The following POGK variants were observed in gnomAD, a reference collection of about 807,000 sequenced individuals.
The protein encoded by POGK is pogo transposable element with KRAB domain.
POGK carries 16 observed loss-of-function variants against 54.4 expected under a neutral mutation model. The observed-to-expected ratio is 0.29, with a 90% CI of 0.20 to 0.45. The LOEUF is 0.45. Ranked by LOEUF, POGK falls within the 20% of genes least tolerant of loss-of-function variation. The probability of loss-of-function intolerance (pLI) is 1.00; values close to 1 mark genes in which losing one functional copy is unlikely to be tolerated. For synonymous variants in POGK, 271 were observed against 302.2 expected, an observed-to-expected ratio of 0.90 and a Z score of 1.07; for missense variants, 515 against 795.6, an observed-to-expected ratio of 0.65 and a Z score of 4.24.
intron 5 of POGK, 101 bp downstream of exon 5, chr1:166,850,524 C>T: frequency 7.5e-7 from 1 of 1,333,038 alleles, no homozygotes; most frequent in Non-Finnish European, 1.0e-6. Flanking sequence ...TCCCTTAGAG[C>T]CTACAGTGCA....
Position 166,847,584 on chromosome 1 carries a change from C to T in POGK, c.350C>T (p.Thr117Ile), listed in dbSNP as rs2101759637. ...NSDEWQLQGG[T>I]SAENEESDVK... ...GACGAGTGGCAGCTCCAAGGAGGCA[C>T]CTCTGCAGGTACTACAAGTAAAGCA... Residue 117 changes from threonine (T) to isoleucine (I), a missense_variant, in exon 4 of 6, where the codon ACC becomes ATC. Around this residue, in one of 2 missense-constraint regions of POGK, gnomAD observed 461 missense variants for 743.5 expected, o/e 0.62. Coordinates refer to ENST00000367876, the MANE Select transcript of POGK (RefSeq NM_017542.5). The T allele has an allele frequency of 6.2e-7, 1 of 1,612,876 alleles. No individual in the cohort carries two copies. The highest frequency in any genetic ancestry group is 1.1e-5 in the South Asian group (1 of 91,008).
chr1:166,848,921 C>A lies in POGK; in HGVS notation c.359-17C>A. ...ACTTACTGGCATTATTTTTGCCCCT[C>A]ACTATTTGTCTCCCAGAAAATGAAG... On this transcript the variant is annotated splice_polypyrimidine_tract_variant and intron_variant, in intron 4 of 5. Coordinates refer to ENST00000367876, the MANE Select transcript of POGK (RefSeq NM_017542.5). 1 of 1,563,400 alleles carries A rather than the reference C, an allele frequency of 6.4e-7. No individual in the cohort carries two copies. Among genetic ancestry groups the A allele is most frequent in the South Asian group, 1.2e-5 (1 of 82,118 alleles).
chr1:166,852,104 A>T (rs930625850), intron 5 of POGK: 1 of 152,208 alleles, frequency 6.6e-6, no homozygotes, highest in Non-Finnish European at 1.5e-5. Flanking sequence ...TGCTTTGAGA[A>T]ACCCCATGAA....
chr1:166,846,653 T>C lies in POGK; in HGVS notation c.174T>C (p.Asp58=), dbSNP rs376091366. ...LFDEVAIYFS[D]EEWEVLTEQQ... ...ATGAGGTGGCCATATATTTTTCCGA[T>C]GAGGAATGGGAAGTTTTGACGGAGC... is the stretch of plus-strand genomic sequence containing the variant. The change falls in exon 3 of 6, where the codon GAT becomes GAC. Residue 58 remains aspartate, a synonymous_variant. Coordinates refer to ENST00000367876, the MANE Select transcript of POGK (RefSeq NM_017542.5). The C allele has an allele frequency of 7.4e-6, 12 of 1,614,020 alleles. No individual in the cohort carries two copies. The highest frequency in any genetic ancestry group is 1.3e-5 in the African/African-American group (1 of 74,904).
In POGK at chr1:166,854,168, A is replaced by C. The variant is rs971254927; in HGVS notation, c.*1598A>C. On this transcript the variant is annotated 3_prime_UTR_variant, in exon 6 of 6. Coordinates refer to ENST00000367876, the MANE Select transcript of POGK (RefSeq NM_017542.5). Reference sequence around the variant, plus strand: ...ATAGTTACCCTGCCAAGAAGAGTAGAAAATGGGTTCAACTCCTGTTTCGCT... The same window carrying C: ...ATAGTTACCCTGCCAAGAAGAGTAGCAAATGGGTTCAACTCCTGTTTCGCT... The C allele has an allele frequency of 2.0e-5, 3 of 152,634 alleles. No homozygotes were observed. Among genetic ancestry groups the C allele is most frequent in the Admixed American group, 2.0e-4 (3 of 15,288 alleles). The allele number at this position is 152,634 out of a possible 1,614,324, so 9.5% of individuals were successfully genotyped here.
chr1:166,844,909 G>A (rs1657772933), intron 2 of POGK, among the ~76,000 whole-genome samples: 1 of 152,148 alleles, frequency 6.6e-6, no homozygotes, highest in East Asian at 1.9e-4. Context: ...GCTGAGTCCT[G>A]GAAGATGGGT....
Position 166,850,336 on chromosome 1 carries a change from T to C in POGK, c.1757T>C (p.Ile586Thr). The C allele has an allele frequency of 1.9e-6, 3 of 1,612,916 alleles. No individual in the cohort carries two copies. The highest frequency in any genetic ancestry group is 2.5e-6 in the Non-Finnish European group (3 of 1,179,592). The change falls in exon 5 of 6, where the codon ATC becomes ACC. Residue 586 changes from isoleucine (I) to threonine (T), a missense_variant. This residue lies in a region of POGK where 461 missense variants were observed against 743.5 expected (regional missense o/e 0.62). Transcript: ENST00000367876. ...GAGGAAGACGATGTCCTGTGGGAAA[T>C]CGAGAGTGAGTTGCCAGGAGGAGGA... ...LEEEDDVLWEIESELPGGGEP... is the reference protein window; with the variant it reads ...LEEEDDVLWETESELPGGGEP...
chr1:166,844,023 C>G (rs1193623367), intron 2 of POGK, among the ~76,000 whole-genome samples: 2 of 152,250 alleles, frequency 1.3e-5, no homozygotes, highest in Middle Eastern at 3.2e-3. Context: ...GCCTGCGCAG[C>G]AGGGCCTGGC....
At chr1:166,840,168 T>A (rs1401652716) in intron 1 of POGK, 1 of 152,226 alleles carries the variant, frequency 6.6e-6, no homozygotes, top group East Asian at 1.9e-4. Flanking sequence ...TCAAGATGCA[T>A]CCGCACTCCA....
At chr1:166,846,072 G>T (rs976940119) in intron 2 of POGK, among the ~76,000 whole-genome samples, 1 of 152,160 alleles carries the variant, frequency 6.6e-6, no homozygotes, top group Non-Finnish European at 1.5e-5. Flanking sequence ...TAACACTTTG[G>T]TTAGTACCCT....
intron 4 of POGK, among the ~76,000 whole-genome samples, chr1:166,848,515 T>C (rs571674010): frequency 6.6e-6 from 1 of 152,334 alleles, no homozygotes; most frequent in East Asian, 1.9e-4. Context: ...CCATGATGCA[T>C]CTCTGTAATA....
Position 166,850,351 on chromosome 1 carries a change from C to T in POGK, c.1772C>T (p.Pro591Leu). ...CTGTGGGAAATCGAGAGTGAGTTGC[C>T]AGGAGGAGGAGAACCACCAAAAGAT... is the stretch of plus-strand genomic sequence containing the variant. Reference protein sequence around the residue: ...DVLWEIESELPGGGEPPKDCD... With the variant: ...DVLWEIESELLGGGEPPKDCD... Residue 591 changes from proline to leucine, a missense_variant, in exon 5 of 6, where the codon CCA becomes CTA. This residue lies in a region of POGK where 461 missense variants were observed against 743.5 expected (regional missense o/e 0.62). Coordinates refer to ENST00000367876, the MANE Select transcript of POGK (RefSeq NM_017542.5). 1 of 1,613,406 alleles carries T rather than the reference C, an allele frequency of 6.2e-7. No homozygotes were observed. The highest frequency in any genetic ancestry group is 8.5e-7 in the Non-Finnish European group (1 of 1,179,782).
chr1:166,844,252 C>T (rs183840933), intron 2 of POGK, among the ~76,000 whole-genome samples: 10 of 152,164 alleles, frequency 6.6e-5, no homozygotes, highest in African/African-American at 2.4e-4. Flanking sequence ...TGTTACCCCC[C>T]CTAAGAGTAT....
At chr1:166,839,936 G>A (rs1657415946) in intron 1 of POGK, among the ~76,000 whole-genome samples, 1 of 149,508 alleles carries the variant, frequency 6.7e-6, no homozygotes, top group Non-Finnish European at 1.5e-5. Flanking sequence ...GGGGCAGGGC[G>A]GGCGGCGGCC....
Position 166,849,515 on chromosome 1 carries a change from A to G in POGK, c.936A>G (p.Arg312=), listed in dbSNP as rs371192826. 1.7e-5 allele frequency: 27 copies of G among 1,614,142 alleles called. No homozygotes were observed. In the African/African-American group the frequency reaches 3.6e-4, roughly 22 times the overall value. Residue 312 remains arginine (R), a synonymous_variant, in exon 5 of 6, where the codon AGA becomes AGG. Transcript: ENST00000367876. ...GFKASLGWCR[R]MMRRYDLSLR... ...AGGCAAGCTTGGGTTGGTGTCGAAGAATGATGAGAAGGTATGACCTGTCTC... is the reference window on the plus strand; with the variant it reads ...AGGCAAGCTTGGGTTGGTGTCGAAGGATGATGAGAAGGTATGACCTGTCTC...
rs10800267 is a variant in POGK at position 166,843,313 on chromosome 1, A to T, written c.132+2225A>T. ...AGGCCAGGGGCCAGAGCCAGCCAGG[A>T]GGACATGCAGTGCTACGCCAGCGAG... On this transcript the variant is annotated intron_variant, in intron 2 of 5. Coordinates refer to ENST00000367876, the MANE Select transcript of POGK (RefSeq NM_017542.5). Among the ~76,000 whole-genome samples, 893 of 152,188 alleles carry T rather than the reference A, an allele frequency of 5.9e-3. 6 individuals carry two copies. The highest frequency in any genetic ancestry group is 1.0e-2 in the Non-Finnish European group (679 of 67,998).
At chr1:166,840,509 GT>G (rs1233891647) in intron 1 of POGK, 1 of 154,566 alleles carries the variant, frequency 6.5e-6, no homozygotes, top group African/African-American at 2.4e-5. Flanking sequence ...ACCCATTCCA[GT>G]TGAGTAAGTG....
chr1:166,845,501 T>C (rs1347030765), intron 2 of POGK, among the ~76,000 whole-genome samples: 1 of 152,172 alleles, frequency 6.6e-6, no homozygotes, highest in Non-Finnish European at 1.5e-5. Context: ...GGGGGCTTCC[T>C]TGGGTCAGGG....
In POGK at chr1:166,846,628, A is replaced by T; in HGVS notation, c.149A>T (p.Asp50Val). 6.2e-7 allele frequency: 1 copy of T among 1,614,082 alleles called. No individual in the cohort carries two copies. Among genetic ancestry groups the T allele is most frequent in the Non-Finnish European group, 8.5e-7 (1 of 1,180,018 alleles). The stretch of plus-strand genomic sequence containing the variant: ...CTCTTCCAGGTACCGGCCCTATTTG[A>T]TGAGGTGGCCATATATTTTTCCGAT... Reference protein sequence around the residue: ...SEGGWVPALFDEVAIYFSDEE... With the variant: ...SEGGWVPALFVEVAIYFSDEE... Residue 50 changes from aspartate to valine, a missense_variant, in exon 3 of 6, where the codon GAT becomes GTT. Transcript: ENST00000367876.
Sources: allele counts gnomAD v4.1 joint callset (sites outside exome capture counted in the v4.1 genomes callset), GRCh38; gene constraint gnomAD v4.1.1; regional missense constraint gnomAD v4.1.1; transcripts MANE v1.5; gene names NCBI Gene and HGNC (gene_info 2026-07-23, HGNC 2026-07-21).